The following FBXO3 variants were observed in gnomAD, a reference collection of about 807,000 sequenced individuals.
FBXO3 encodes the protein F-box protein 3.
FBXO3 carries 17 observed loss-of-function variants against 64.8 expected under a neutral mutation model. The observed-to-expected ratio is 0.26, with a 90% CI of 0.18 to 0.39. The LOEUF (loss-of-function observed/expected upper bound fraction) is 0.39. Among genes scored for constraint, FBXO3 ranks in the 10% least tolerant of loss-of-function variants. The pLI, the probability that FBXO3 is intolerant of heterozygous loss-of-function variation, is 1.00. For synonymous variants in FBXO3, 182 were observed against 201.6 expected (o/e 0.90, Z 0.82); for missense variants, 420 against 589.9 (o/e 0.71, Z 2.98).
At chr11:33,757,025 C>T (rs1327199884) in intron 4 of FBXO3, 2 of 518,798 alleles carry the variant, frequency 3.9e-6, no homozygotes, top group Admixed American at 1.9e-5. Context: ...CGACCACACC[C>T]TGCCCCCAAG....
intron 1 of FBXO3, chr11:33,771,806 C>T (rs998964457): frequency 6.6e-5 from 10 of 152,194 alleles, no homozygotes; most frequent in African/African-American, 2.4e-4. Flanking sequence ...AGGAATCCCT[C>T]CAGTTTTGTG....
At chr11:33,758,701 T>G (rs1174676238) in intron 3 of FBXO3, 100 bp from the exon 4 acceptor site, 9 of 729,830 alleles carry the variant, frequency 1.2e-5, no homozygotes, top group Middle Eastern at 5.1e-4. Flanking sequence ...TTGGAATGAG[T>G]GAATTCTGTC....
In FBXO3 at chr11:33,755,545, T is replaced by C. The variant is rs142889515; in HGVS notation, c.678+226A>G. On this transcript the variant is annotated intron_variant, in intron 5 of 10. Coordinates refer to ENST00000265651, the MANE Select transcript of FBXO3 (RefSeq NM_012175.4). ...TTCCTTAAAATACCTTAAGACAAAT[T>C]GCAGCTTTTCCTCTGTATATACACC... 4.7e-4 allele frequency among the ~76,000 whole-genome samples: 71 copies of C among 152,348 alleles called. No homozygotes were observed. In the East Asian group the frequency reaches 0.014, roughly 29 times the overall value.
chr11:33,760,487 A>C (rs1855216279), intron 3 of FBXO3, among the ~76,000 whole-genome samples: 1 of 152,082 alleles, frequency 6.6e-6, no homozygotes, highest in Non-Finnish European at 1.5e-5. Flanking sequence ...TAAAAAAAAA[A>C]ACCTTAAAAA....
At chr11:33,768,789 AAACT>A in intron 3 of FBXO3, 58 bp downstream of exon 3, 2 of 1,584,824 alleles carry the variant, frequency 1.3e-6, no homozygotes, top group Non-Finnish European at 1.7e-6. Flanking sequence ...AAAGTTGTTT[AAACT>A]AACCTATTTA....
At chr11:33,750,408 C>T in intron 8 of FBXO3, 131 bp downstream of exon 8, 2 of 979,608 alleles carry the variant, frequency 2.0e-6, no homozygotes, top group South Asian at 1.8e-5. Context: ...AAAATGTATC[C>T]ACCTTCCTCC....
intron 1 of FBXO3, 72 bp from the exon 2 acceptor site, chr11:33,770,902 T>C: frequency 1.6e-6 from 2 of 1,233,906 alleles, no homozygotes; most frequent in Non-Finnish European, 2.3e-6. Context: ...GATTAAAATA[T>C]TCATTGTTTT....
chr11:33,761,005 T>C (rs1392618785), intron 3 of FBXO3, among the ~76,000 whole-genome samples: 1 of 152,032 alleles, frequency 6.6e-6, no homozygotes, highest in Non-Finnish European at 1.5e-5. Flanking sequence ...AAACAATAAA[T>C]CAAAAGGCAG....
At chr11:33,742,586 C>A (rs1854712815) in intron 10 of FBXO3, 1 of 152,374 alleles carries the variant, frequency 6.6e-6, no homozygotes, top group African/African-American at 2.4e-5. Flanking sequence ...TACAGTTTTA[C>A]TGAGCTTATA....
intron 6 of FBXO3, among the ~76,000 whole-genome samples, chr11:33,752,835 G>A (rs1854996674): frequency 6.6e-6 from 1 of 152,028 alleles, no homozygotes; most frequent in Admixed American, 6.6e-5. Context: ...GTGGAAAAAA[G>A]TTATATAACT....
intron 1 of FBXO3, chr11:33,771,179 G>A (rs1855501758): frequency 6.3e-6 from 1 of 159,434 alleles, no homozygotes; most frequent in African/African-American, 2.4e-5. Context: ...TAGGAAGAAA[G>A]TTATTTAGTC....
At chr11:33,768,774 G>A (rs535750253) in intron 3 of FBXO3, 77 bp downstream of exon 3, 3 of 1,525,814 alleles carry the variant, frequency 2.0e-6, no homozygotes, top group Admixed American at 3.3e-5. Flanking sequence ...AGATGACAGA[G>A]ATTCAAAGTT....
At chr11:33,752,490 G>A (rs1854987100) in intron 6 of FBXO3, among the ~76,000 whole-genome samples, 1 of 152,088 alleles carries the variant, frequency 6.6e-6, no homozygotes, top group South Asian at 2.1e-4. Flanking sequence ...TAAATTTATA[G>A]TGTTTACTAA....
At chr11:33,763,822 T>C (rs768893214) in intron 3 of FBXO3, among the ~76,000 whole-genome samples, 3 of 152,120 alleles carry the variant, frequency 2.0e-5, no homozygotes, top group Non-Finnish European at 4.4e-5. Context: ...CTTGGAAAGA[T>C]AGAAATACAA....
Position 33,750,790 on chromosome 11 carries a change from T to G in FBXO3, c.810-129A>C, listed in dbSNP as rs144397244. On this transcript the variant is annotated intron_variant, in intron 7 of 10. Transcript: ENST00000265651. Reference sequence around the variant, plus strand: ...AGACCCAGAAAAGTTCAATAATATTTGGGTATAGTCCTATTAAACTTTGAA... The same window carrying G: ...AGACCCAGAAAAGTTCAATAATATTGGGGTATAGTCCTATTAAACTTTGAA... The G allele has an allele frequency of 1.0e-5, 8 of 791,500 alleles. No individual in the cohort carries two copies. In the African/African-American group the frequency reaches 1.0e-4, roughly 10 times the overall value. 49.0% of individuals were successfully genotyped at this position (791,500 alleles called of 1,614,324 possible). A position where few individuals can be genotyped will look rare whatever the true frequency, so the allele number is the denominator to read the frequency against.
At chr11:33,759,265 G>A (rs1034661679) in intron 3 of FBXO3, among the ~76,000 whole-genome samples, 5 of 152,198 alleles carry the variant, frequency 3.3e-5, no homozygotes, top group Non-Finnish European at 7.3e-5. Context: ...AGAAGAGAGA[G>A]ACTGAGAGGT....
chr11:33,745,120 A>G (rs909857505), intron 10 of FBXO3: 14 of 152,224 alleles, frequency 9.2e-5, no homozygotes, highest in African/African-American at 2.9e-4. Context: ...GAGATTTCAT[A>G]ATGATGAAAG....
chr11:33,755,906 G>A lies in FBXO3; in HGVS notation c.543C>T (p.Ala181=). 1.2e-6 allele frequency: 2 copies of A among 1,614,014 alleles called. No individual in the cohort carries two copies. The highest frequency in any genetic ancestry group is 1.7e-4 in the Middle Eastern group (1 of 6,058). ...SEDLLDVDTA[A]GGFQQRQGLK... ...GTCCCTGTCTCTGCTGGAATCCTCC[G>A]GCAGCTGTATCGACGTCTAACAAAT... Residue 181 remains alanine, a synonymous_variant, in exon 5 of 11, where the codon GCC becomes GCT. Transcript: ENST00000265651.
intron 10 of FBXO3, chr11:33,744,481 A>C (rs1445966495): frequency 1.3e-5 from 2 of 152,244 alleles, no homozygotes; most frequent in Non-Finnish European, 2.9e-5. Context: ...AAGGAGAAAG[A>C]AAAAGGAAGT....
Sources: allele counts gnomAD v4.1 joint callset (sites outside exome capture counted in the v4.1 genomes callset), GRCh38; gene constraint gnomAD v4.1.1; transcripts MANE v1.5; gene names NCBI Gene and HGNC (gene_info 2026-07-23, HGNC 2026-07-21).